POU2F3: variants seen among roughly 807,000 people sequenced by gnomAD.
The protein encoded by POU2F3 is POU domain, class 2, transcription factor 3.
A neutral mutation model predicts 59.2 loss-of-function variants in POU2F3; 23 were observed. That is an observed-to-expected ratio of 0.39 (90% CI 0.28 to 0.55). POU2F3 has a LOEUF of 0.55. POU2F3 is among the 20% of genes least tolerant of loss of function. POU2F3 has a pLI of 0.66. For synonymous variants in POU2F3, 190 were observed against 214.6 expected (o/e 0.89, Z 1.00); for missense variants, 473 against 544.5 (o/e 0.87, Z 1.31).
intron 10 of POU2F3, among the ~76,000 whole-genome samples, chr11:120,313,325 C>A (rs1316454162): frequency 6.6e-6 from 1 of 152,208 alleles, no homozygotes; most frequent in African/African-American, 2.4e-5. Context: ...GTTCCAGGCA[C>A]CGTAGAAAGC....
chr11:120,314,470 G>A (rs1941731661), intron 10 of POU2F3, among the ~76,000 whole-genome samples: 1 of 152,216 alleles, frequency 6.6e-6, no homozygotes, highest in African/African-American at 2.4e-5. Flanking sequence ...TTAACAAGCT[G>A]ACACTCTTTG....
rs567647295 is a variant in POU2F3 at position 120,267,285 on chromosome 11, T to C, written c.98-1925T>C. Among the ~76,000 whole-genome samples the C allele has an allele frequency of 2.5e-3, 379 of 152,226 alleles. 1 individual carries two copies. The highest frequency in any genetic ancestry group is 4.3e-3 in the Non-Finnish European group (290 of 68,006). Reference sequence around the variant, plus strand: ...CTGGGACTACAGGTGCCCATCACCATGCCTGGCTAATTTTTGTATTTTTAG... The same window carrying C: ...CTGGGACTACAGGTGCCCATCACCACGCCTGGCTAATTTTTGTATTTTTAG... On this transcript the variant is annotated intron_variant, in intron 2 of 12. Transcript: ENST00000543440.
At chr11:120,303,685 A>G (rs1427746995) in intron 6 of POU2F3, 1 of 152,240 alleles carries the variant, frequency 6.6e-6, no homozygotes, top group Non-Finnish European at 1.5e-5. Flanking sequence ...AACTAAGACC[A>G]AATTCATGAT....
chr11:120,281,160 G>A (rs1347597743), intron 3 of POU2F3, among the ~76,000 whole-genome samples: 1 of 151,968 alleles, frequency 6.6e-6, no homozygotes, highest in Non-Finnish European at 1.5e-5. Context: ...GGCCACCCTG[G>A]GGCTCAGGTG....
intron 3 of POU2F3, among the ~76,000 whole-genome samples, chr11:120,295,820 C>T (rs1170270444): frequency 6.6e-6 from 1 of 152,172 alleles, no homozygotes; most frequent in Non-Finnish European, 1.5e-5. Context: ...TCTACCCCCA[C>T]AGTGCTATTT....
chr11:120,317,601 A>AAAATTTCCATCCTTACTTTGAGGGTGG (rs1398767461), intron 12 of POU2F3, among the ~76,000 whole-genome samples: 23 of 152,248 alleles, frequency 1.5e-4, no homozygotes, highest in Non-Finnish European at 2.6e-4. Context: ...CAACAAAGTC[A>AAAATTTCCATCCTTACTTTGAGGGTGG]AAATTTCCAT....
chr11:120,270,147 T>C (rs1939999425), intron 3 of POU2F3, among the ~76,000 whole-genome samples: 1 of 152,172 alleles, frequency 6.6e-6, no homozygotes, highest in Non-Finnish European at 1.5e-5. Context: ...TTATTTAATA[T>C]TTTTGGTCTG....
chr11:120,236,974 G>A (rs932754428), upstream of POU2F3, among the ~76,000 whole-genome samples: 1 of 152,094 alleles, frequency 6.6e-6, no homozygotes, highest in Non-Finnish European at 1.5e-5. Flanking sequence ...TCAAATGAAG[G>A]GTTCAATGAT....
At chr11:120,288,015 C>T (rs1168482025) in intron 3 of POU2F3, among the ~76,000 whole-genome samples, 2 of 148,614 alleles carry the variant, frequency 1.3e-5, no homozygotes, top group East Asian at 4.0e-4. Flanking sequence ...AGCAAGCATA[C>T]CAACAGAAGC....
rs145116899 is a variant in POU2F3 at position 120,242,260 on chromosome 11, C to A, written c.28+1889C>A. ...AGGACTTTCTGTCCCATCTCTCTAA[C>A]TGGGTCTCTATTAGAGGGCTCTCTT... On this transcript the variant is annotated intron_variant, in intron 1 of 12. Transcript: ENST00000543440. Among the ~76,000 whole-genome samples, 1,436 of 152,320 alleles carry A rather than the reference C, an allele frequency of 9.4e-3. 16 individuals carry two copies. Among genetic ancestry groups the A allele is most frequent in the Middle Eastern group, 0.041 (12 of 294 alleles).
intron 2 of POU2F3, among the ~76,000 whole-genome samples, chr11:120,267,201 T>C (rs1482334715): frequency 6.6e-6 from 1 of 151,864 alleles, no homozygotes; most frequent in Non-Finnish European, 1.5e-5. Flanking sequence ...CGATCTCGGC[T>C]CACTGCAACC....
At chr11:120,244,395 C>T (rs1352372014) in intron 1 of POU2F3, among the ~76,000 whole-genome samples, 1 of 152,186 alleles carries the variant, frequency 6.6e-6, no homozygotes, top group East Asian at 1.9e-4. Context: ...GAACTCCTTT[C>T]CTGGCAGTTT....
chr11:120,291,362 T>C (rs989888853), intron 3 of POU2F3, among the ~76,000 whole-genome samples: 18 of 152,248 alleles, frequency 1.2e-4, no homozygotes, highest in African/African-American at 4.3e-4. Context: ...GCTTGGTCTT[T>C]AGGACTAACT....
At chr11:120,305,370 T>C (rs1941458669) in intron 7 of POU2F3, 158 bp downstream of exon 7, 2 of 958,206 alleles carry the variant, frequency 2.1e-6, no homozygotes, top group Non-Finnish European at 3.0e-6. Flanking sequence ...TTGCCATTGG[T>C]AGGGAAACTG....
intron 9 of POU2F3, 25 bp downstream of exon 9, chr11:120,307,640 C>A (rs200975435): frequency 1.3e-6 from 2 of 1,538,130 alleles, no homozygotes; most frequent in East Asian, 4.5e-5. Context: ...CGGGTGGGCA[C>A]GGGTGGGCTA....
chr11:120,313,662 C>A (rs1480629551), intron 10 of POU2F3, among the ~76,000 whole-genome samples: 2 of 152,200 alleles, frequency 1.3e-5, no homozygotes, highest in African/African-American at 2.4e-5. Context: ...TATGCCTAGC[C>A]TGTCTCCAGA....
At chr11:120,239,843 C>T (rs1038016884), upstream of POU2F3, among the ~76,000 whole-genome samples, 2 of 152,210 alleles carry the variant, frequency 1.3e-5, no homozygotes, top group Non-Finnish European at 2.9e-5. Context: ...CGCGATCTGT[C>T]CAGAAGGAAG....
chr11:120,309,597 A>G lies in POU2F3; in HGVS notation c.1068+11A>G, dbSNP rs766954759. On this transcript the variant is annotated intron_variant, in intron 10 of 12. Transcript: ENST00000543440. The stretch of plus-strand genomic sequence containing the variant: ...TACAACTCCCGGCTGGTGAGTGGCC[A>G]GGAACCAAGCTGTCTGCCAAGCACT... 5.0e-6 allele frequency: 8 copies of G among 1,611,314 alleles called. No individual in the cohort carries two copies. The highest frequency in any genetic ancestry group is 6.8e-6 in the Non-Finnish European group (8 of 1,177,616).
chr11:120,252,295 CT>C (rs1451117360), intron 2 of POU2F3, among the ~76,000 whole-genome samples: 2 of 151,422 alleles, frequency 1.3e-5, no homozygotes, highest in Non-Finnish European at 2.9e-5. Flanking sequence ...CAACCTCCGC[CT>C]CCCAGGTTTA....
Sources: gnomAD v4.1 joint callset for allele counts (sites outside exome capture counted in the v4.1 genomes callset) on GRCh38, gnomAD v4.1.1 for gene constraint, MANE v1.5 for transcripts, NCBI Gene and HGNC (gene_info 2026-07-23, HGNC 2026-07-21) for gene names.